The following ZNF263 variants were observed in gnomAD, a reference collection of about 807,000 sequenced individuals.
ZNF263 encodes the protein zinc finger protein FPM315.
In ZNF263, 49 loss-of-function variants were observed where a neutral mutation model predicts 63.1. The observed-to-expected ratio is 0.78, with a 90% CI of 0.62 to 0.99. ZNF263 has a LOEUF of 0.99. Ranked by LOEUF, ZNF263 falls within the 50% of genes least tolerant of loss-of-function variation. The pLI, the probability that ZNF263 is intolerant of heterozygous loss-of-function variation, is 0.00. For missense variants in ZNF263, 872 were observed against 854.8 expected, an observed-to-expected ratio of 1.02 and a Z score of -0.25; for synonymous variants, 352 against 324.2, an observed-to-expected ratio of 1.09 and a Z score of -0.92.
intron 2 of ZNF263, chr16:3,300,137 GT>G (rs761298019): frequency 6.2e-7 from 1 of 1,614,230 alleles, no homozygotes; most frequent in Admixed American, 1.7e-5. Context: ...ATCATGGACA[GT>G]TTTTGTCGAA....
rs1394537254 is a variant in ZNF263 at position 3,290,590 on chromosome 16, G to C, written c.*32G>C. On this transcript the variant is annotated 3_prime_UTR_variant, in exon 6 of 6. Transcript: ENST00000219069. ...TGGGGTTTCTCTTTGCCCCAGGTGA[G>C]GTGGCATATTCAGAGGAGCCTGTTG... is the stretch of plus-strand genomic sequence containing the variant. 6.4e-7 allele frequency: 1 copy of C among 1,569,752 alleles called. No homozygotes were observed. Among genetic ancestry groups the C allele is most frequent in the Non-Finnish European group, 8.6e-7 (1 of 1,160,238 alleles).
chr16:3,288,708 C>G (rs565291458), intron 5 of ZNF263, 138 bp downstream of exon 5: 18 of 547,470 alleles, frequency 3.3e-5, no homozygotes, highest in Non-Finnish European at 5.8e-5. Flanking sequence ...TGCAACAGTG[C>G]GATCTCGGCT....
At chr16:3,294,336 A>G (rs1326628901), downstream of ZNF263, among the ~76,000 whole-genome samples, 1 of 152,210 alleles carries the variant, frequency 6.6e-6, no homozygotes, top group East Asian at 1.9e-4. Context: ...AGTGTTTCAC[A>G]AGCATTTGAA....
Position 3,290,396 on chromosome 16 carries a change from C to T in ZNF263, c.1890C>T (p.Pro630=). 6.2e-7 allele frequency: 1 copy of T among 1,614,150 alleles called. No individual in the cohort carries two copies. Among genetic ancestry groups the T allele is most frequent in the South Asian group, 1.1e-5 (1 of 91,072 alleles). ...AGAGAATCCACACAGGAGAAAAACC[C>T]TATACCTGTCATGAGTGCGGAGACA... ...RHQRIHTGEK[P]YTCHECGDSF... Residue 630 remains proline (P), a synonymous_variant, in exon 6 of 6, where the codon CCC becomes CCT. Coordinates refer to ENST00000219069, the MANE Select transcript of ZNF263 (RefSeq NM_005741.5).
exon 3 of ZNF263, chr16:3,301,222 G>T (rs1432324254): frequency 1.2e-5 from 2 of 167,160 alleles, no homozygotes; most frequent in African/African-American, 4.8e-5. Context: ...TCACTGGGCA[G>T]CAGTTCATCT....
chr16:3,287,222 T>C (rs548552504), intron 4 of ZNF263, among the ~76,000 whole-genome samples: 9 of 152,354 alleles, frequency 5.9e-5, no homozygotes, highest in Non-Finnish European at 8.8e-5. Flanking sequence ...GTGATTCTCC[T>C]GCCTCAGCCT....
chr16:3,300,007 T>C (rs1387704860), intron 2 of ZNF263: 1 of 1,614,090 alleles, frequency 6.2e-7, no homozygotes, highest in Non-Finnish European at 8.5e-7. Context: ...GTTTATTTTC[T>C]TCCCTGGTAG....
Position 3,290,093 on chromosome 16 carries a change from G to T in ZNF263, c.1587G>T (p.Arg529=). 2 of 1,614,046 alleles carry T rather than the reference G, an allele frequency of 1.2e-6. No individual in the cohort carries two copies. The highest frequency in any genetic ancestry group is 8.5e-7 in the Non-Finnish European group (1 of 1,180,016). Reference sequence around the variant, plus strand: ...CCGAGTGTGGGAAAAGTTTCTCTCGGAGTTCACACCTCGTCATTCACGAAA... The same window carrying T: ...CCGAGTGTGGGAAAAGTTTCTCTCGTAGTTCACACCTCGTCATTCACGAAA... The part of the protein sequence containing the change: ...KCPECGKSFS[R]SSHLVIHERT... The change falls in exon 6 of 6, where the codon CGG becomes CGT. Residue 529 remains arginine, a synonymous_variant. Coordinates refer to ENST00000219069, the MANE Select transcript of ZNF263 (RefSeq NM_005741.5).
At chr16:3,291,842 T>G (rs963922065), downstream of ZNF263, among the ~76,000 whole-genome samples, 3 of 152,260 alleles carry the variant, frequency 2.0e-5, no homozygotes, top group African/African-American at 7.2e-5. Context: ...TGCAACTGAT[T>G]TCCAGGGTGG....
At chr16:3,285,036 G>C (rs1567249434) in intron 1 of ZNF263, 23 bp from the exon 2 acceptor site, 2 of 1,613,232 alleles carry the variant, frequency 1.2e-6, no homozygotes, top group Non-Finnish European at 1.7e-6. Context: ...TTGTGATGAT[G>C]AGTGATGTGG....
At chr16:3,296,234 C>CA (rs1198900842), downstream of ZNF263, among the ~76,000 whole-genome samples, 1 of 152,182 alleles carries the variant, frequency 6.6e-6, no homozygotes, top group African/African-American at 2.4e-5. Flanking sequence ...AAACAGTTAA[C>CA]AGGAAGTTTC....
chr16:3,293,086 AC>A (rs1409649095), downstream of ZNF263: 1 of 152,178 alleles, frequency 6.6e-6, no homozygotes, highest in Non-Finnish European at 1.5e-5. Context: ...GAGGTCTGAT[AC>A]GGTTCGGCTC....
Position 3,290,721 on chromosome 16 carries a change from A to G in ZNF263, c.*163A>G, listed in dbSNP as rs1379215664. On this transcript the variant is annotated 3_prime_UTR_variant, in exon 6 of 6. Transcript: ENST00000219069. ...GCAGAGGCAGCAGAGGATTGGCATA[A>G]AACTGAAAAGGAGTTCTGTCTGCAT... 1 of 1,423,290 alleles carries G rather than the reference A, an allele frequency of 7.0e-7. No homozygotes were observed. Among genetic ancestry groups the G allele is most frequent in the Non-Finnish European group, 9.1e-7 (1 of 1,094,368 alleles). The allele number at this position is 1,423,290 out of a possible 1,614,324, so 88.2% of individuals were successfully genotyped here.
At chr16:3,284,323 A>T (rs189127037) in intron 1 of ZNF263, 118 bp downstream of exon 1, 2 of 1,372,162 alleles carry the variant, frequency 1.5e-6, no homozygotes, top group South Asian at 2.1e-5. Flanking sequence ...GGGGAAGAGG[A>T]CTTGTGATTT....
Position 3,290,363 on chromosome 16 carries a change from C to T in ZNF263, c.1857C>T (p.Ile619=). ...ACTTCTCTCATAGATCCAATTTAAT[C>T]AGGCACCAGAGAATCCACACAGGAG... is the stretch of plus-strand genomic sequence containing the variant. ...GENFSHRSNL[I]RHQRIHTGEK... is the part of the protein sequence containing the mutation. Residue 619 remains isoleucine (I), a synonymous_variant, in exon 6 of 6, where the codon ATC becomes ATT. Transcript: ENST00000219069. The T allele has an allele frequency of 6.2e-7, 1 of 1,613,814 alleles. No individual in the cohort carries two copies. The highest frequency in any genetic ancestry group is 2.2e-5 in the East Asian group (1 of 44,858).
Position 3,299,200 on chromosome 16 carries a change from G to C in ZNF263, c.*46+44G>C, listed in dbSNP as rs749494259. ...TACAGCAGATAATTTAAATTCAGCA[G>C]TCTGCTTCTCAGCTTCTCCTCCTTT... is the stretch of plus-strand genomic sequence containing the variant. On this transcript the variant is annotated intron_variant, in intron 2 of 2. Transcript: ENST00000574674. The C allele has an allele frequency of 2.2e-5, 36 of 1,601,356 alleles. No homozygotes were observed. Among genetic ancestry groups the C allele is most frequent in the Non-Finnish European group, 2.6e-5 (31 of 1,175,896 alleles).
chr16:3,291,655 C>CA (rs1303375197), downstream of ZNF263, among the ~76,000 whole-genome samples: 1 of 152,186 alleles, frequency 6.6e-6, no homozygotes, highest in Admixed American at 6.5e-5. Flanking sequence ...CATGTGGTAA[C>CA]AAAGGGTCAA....
At chr16:3,288,894 G>A (rs558581393) in intron 5 of ZNF263, among the ~76,000 whole-genome samples, 141 of 152,086 alleles carry the variant, frequency 9.3e-4, no homozygotes, top group Admixed American at 2.2e-3. Context: ...CACCCACCTC[G>A]GCCTCCCAAA....
At chr16:3,294,177 G>A (rs1048410828), downstream of ZNF263, among the ~76,000 whole-genome samples, 3 of 152,136 alleles carry the variant, frequency 2.0e-5, no homozygotes, top group East Asian at 1.9e-4. Context: ...TGCCCGCCTC[G>A]GCCTCCCAAA....
Sources: gnomAD v4.1 joint callset for allele counts (sites outside exome capture counted in the v4.1 genomes callset) on GRCh38, gnomAD v4.1.1 for gene constraint, MANE v1.5 for transcripts, NCBI Gene and HGNC (gene_info 2026-07-23, HGNC 2026-07-21) for gene names.